KAZN: variants seen among roughly 807,000 people sequenced by gnomAD.
KAZN encodes the protein kazrin.
Under a neutral mutation model 87.4 loss-of-function variants are expected in KAZN, and 40 were observed. The observed-to-expected ratio is 0.46, with a 90% CI of 0.36 to 0.60. KAZN has a LOEUF of 0.60. KAZN is among the 20% of genes least tolerant of loss of function. KAZN has a pLI of 0.00. For missense variants in KAZN, 898 were observed against 1,073.9 expected (o/e 0.84, Z 2.29); for synonymous variants, 466 against 458.3 (o/e 1.02, Z -0.22).
intron 2 of KAZN, among the ~76,000 whole-genome samples, chr1:14,334,913 A>G (rs555184501): frequency 7.9e-5 from 12 of 152,134 alleles, no homozygotes; most frequent in Non-Finnish European, 1.2e-4. Flanking sequence ...TCAGAGAGAA[A>G]TAGAGAGGAA....
At position 14,025,672 on chromosome 1, in the gene KAZN, A is replaced by T. The variant is rs77259319; in HGVS notation, c.91+131916A>T. ...CTTCAGTGCAGTAGCCACTGGCCAC[A>T]TCTGACCATTGAGCATTTCAAATGT... is the stretch of plus-strand genomic sequence containing the variant. On this transcript the variant is annotated intron_variant, in intron 1 of 16. Coordinates refer to the KAZN transcript ENST00000636203. 4.4e-3 allele frequency among the ~76,000 whole-genome samples: 663 copies of T among 152,342 alleles called. 4 individuals are homozygous for T. The highest frequency in any genetic ancestry group is 9.8e-3 in the Admixed American group (150 of 15,296).
intron 8 of KAZN, among the ~76,000 whole-genome samples, chr1:15,090,779 G>A (rs537706648): frequency 1.1e-4 from 17 of 152,302 alleles, no homozygotes; most frequent in African/African-American, 3.9e-4. Context: ...ACTCACCCCC[G>A]CTGAGTCCTC....
At chr1:14,733,842 G>C (rs961605587) in intron 1 of KAZN, among the ~76,000 whole-genome samples, 1 of 152,154 alleles carries the variant, frequency 6.6e-6, no homozygotes, top group African/African-American at 2.4e-5. Flanking sequence ...TATTCTCTGG[G>C]GTTTGGCCCC....
At position 14,297,497 on chromosome 1, in the gene KAZN, G is replaced by T. The variant is rs529215107; in HGVS notation, c.249+116905G>T. ...GGCAAAGGAGAAGAGGGCTGAGAGT[G>T]ATTTGGGAGAGCCAGCTGCAGGGCT... On this transcript the variant is annotated intron_variant, in intron 2 of 16. Coordinates refer to the KAZN transcript ENST00000636203. Among the ~76,000 whole-genome samples the T allele has an allele frequency of 1.5e-4, 23 of 152,156 alleles. 1 individual carries two copies. Among genetic ancestry groups the T allele is most frequent in the Non-Finnish European group, 2.9e-4 (20 of 68,034 alleles).
intron 2 of KAZN, among the ~76,000 whole-genome samples, chr1:14,540,615 A>AT (rs1672753108): frequency 6.6e-6 from 1 of 152,178 alleles, no homozygotes; most frequent in African/African-American, 2.4e-5. Context: ...ATACTGCCCC[A>AT]TGACTCTTTG....
chr1:14,465,164 C>T (rs1292173851), intron 2 of KAZN, among the ~76,000 whole-genome samples: 1 of 151,880 alleles, frequency 6.6e-6, no homozygotes, highest in Non-Finnish European at 1.5e-5. Flanking sequence ...CTTTGGGAGG[C>T]TGAGGCAGGT....
chr1:14,282,872 C>T (rs571117523), intron 2 of KAZN, among the ~76,000 whole-genome samples: 9 of 152,268 alleles, frequency 5.9e-5, no homozygotes, highest in African/African-American at 1.9e-4. Context: ...ATGCTAATGT[C>T]AGAAGGGGAG....
intron 1 of KAZN, among the ~76,000 whole-genome samples, chr1:14,120,045 G>A (rs756510331): frequency 5.9e-5 from 9 of 152,130 alleles, no homozygotes; most frequent in East Asian, 1.9e-4. Flanking sequence ...TCATAAGGAC[G>A]TGGTTTTCCT....
intron 1 of KAZN, chr1:14,924,120 C>A (rs1487687260): frequency 5.1e-6 from 5 of 982,288 alleles, no homozygotes; most frequent in Non-Finnish European, 6.0e-6. Context: ...GGAGGAGCCG[C>A]GGGACTGAGA....
At chr1:14,827,732 A>G (rs1646937424) in intron 1 of KAZN, among the ~76,000 whole-genome samples, 1 of 152,170 alleles carries the variant, frequency 6.6e-6, no homozygotes, top group Admixed American at 6.5e-5. Context: ...AGCAAGCTTC[A>G]ATTTTTTAAT....
intron 2 of KAZN, among the ~76,000 whole-genome samples, chr1:14,291,119 C>T (rs1653653584): frequency 6.6e-6 from 1 of 152,222 alleles, no homozygotes; most frequent in African/African-American, 2.4e-5. Flanking sequence ...AGATGCCTCC[C>T]TGTTAGGCTA....
chr1:14,468,374 G>T (rs1205581500), intron 2 of KAZN, among the ~76,000 whole-genome samples: 1 of 152,076 alleles, frequency 6.6e-6, no homozygotes, highest in Non-Finnish European at 1.5e-5. Flanking sequence ...TATATACCCG[G>T]TCTTACTCAA....
At chr1:14,019,904 TA>T (rs1158664579) in intron 1 of KAZN, among the ~76,000 whole-genome samples, 15 of 152,262 alleles carry the variant, frequency 9.9e-5, no homozygotes, top group African/African-American at 3.6e-4. Context: ...TCAAGCACAT[TA>T]CATTTATCGT....
chr1:14,426,299 C>G (rs2101349176), intron 2 of KAZN, among the ~76,000 whole-genome samples: 1 of 152,316 alleles, frequency 6.6e-6, no homozygotes, highest in East Asian at 1.9e-4. Context: ...ACCACTCACC[C>G]CACATTCACT....
intron 1 of KAZN, among the ~76,000 whole-genome samples, chr1:14,785,254 G>A (rs150464211): frequency 3.3e-4 from 51 of 152,264 alleles, no homozygotes; most frequent in South Asian, 8.3e-4. Flanking sequence ...CAGCCCTGTG[G>A]ACCCCCATGG....
intron 8 of KAZN, among the ~76,000 whole-genome samples, chr1:15,069,570 T>C (rs185253043): frequency 1.3e-5 from 2 of 152,324 alleles, no homozygotes; most frequent in Admixed American, 1.3e-4. Context: ...GAGCTTGCAG[T>C]GAGCCGAGAT....
intron 2 of KAZN, among the ~76,000 whole-genome samples, chr1:14,581,694 C>G (rs1190853282): frequency 6.6e-6 from 1 of 152,210 alleles, no homozygotes; most frequent in African/African-American, 2.4e-5. Flanking sequence ...GCCCACACCT[C>G]CCTTCATTCC....
chr1:14,882,486 C>T (rs145044538), intron 1 of KAZN, among the ~76,000 whole-genome samples: 2 of 152,186 alleles, frequency 1.3e-5, no homozygotes, highest in East Asian at 1.9e-4. Flanking sequence ...TGAAATGATG[C>T]GTGGAAATCA....
intron 1 of KAZN, among the ~76,000 whole-genome samples, chr1:14,870,407 A>G (rs1652009187): frequency 6.6e-6 from 1 of 152,200 alleles, no homozygotes; most frequent in Non-Finnish European, 1.5e-5. Context: ...CAATGGCACA[A>G]TCTTGGCTCA....
Sources: gnomAD v4.1 joint callset for allele counts (sites outside exome capture counted in the v4.1 genomes callset) on GRCh38, gnomAD v4.1.1 for gene constraint, MANE v1.5 for transcripts, NCBI Gene and HGNC (gene_info 2026-07-23, HGNC 2026-07-21) for gene names.